The following RABEP1 variants were observed in gnomAD, a reference collection of about 807,000 sequenced individuals.
RABEP1 encodes the protein rab GTPase-binding effector protein 1.
RABEP1 carries 51 observed loss-of-function variants against 123.4 expected under a neutral mutation model. The observed-to-expected ratio is 0.41, with a 90% CI of 0.33 to 0.52. The LOEUF is 0.52. Among genes scored for constraint, RABEP1 ranks in the 20% least tolerant of loss-of-function variants. RABEP1 has a pLI of 0.16. For missense variants in RABEP1, 888 were observed against 996.3 expected (o/e 0.89, Z 1.46); for synonymous variants, 347 against 355.2 (o/e 0.98, Z 0.26).
At chr17:5,292,774 C>T (rs72836367) in intron 1 of RABEP1, among the ~76,000 whole-genome samples, 20,207 of 152,066 alleles carry the variant, frequency 0.13, 1,421 homozygotes, top group East Asian at 0.17. Flanking sequence ...CTCTGCTTTC[C>T]GGGCTCAGGT....
chr17:5,340,351 G>T (rs1039290558), intron 5 of RABEP1, among the ~76,000 whole-genome samples: 2 of 152,116 alleles, frequency 1.3e-5, no homozygotes, highest in South Asian at 4.1e-4. Flanking sequence ...TCACCATATG[G>T]CTATTATGAG....
In RABEP1 at chr17:5,386,045, G is replaced by A. The variant is rs1597309912; in HGVS notation, c.*2822G>A. 1 of 567,386 alleles carries A rather than the reference G, an allele frequency of 1.8e-6. No homozygotes were observed. Among genetic ancestry groups the A allele is most frequent in the East Asian group, 3.1e-5 (1 of 31,866 alleles). The allele number at this position is 567,386 out of a possible 1,614,324, so 35.1% of individuals were successfully genotyped here. A position where few individuals can be genotyped will look rare whatever the true frequency, so the allele number is the denominator to read the frequency against. ...AGCACATTCCAAATTTTAAATAAAA[G>A]CATTTACTCAATTATTATAAAACAA... On this transcript the variant is annotated 3_prime_UTR_variant, in exon 18 of 18. Coordinates refer to ENST00000537505, the MANE Select transcript of RABEP1 (RefSeq NM_004703.6).
At chr17:5,339,730 G>A (rs758906664) in intron 5 of RABEP1, among the ~76,000 whole-genome samples, 13 of 152,020 alleles carry the variant, frequency 8.6e-5, no homozygotes, top group Non-Finnish European at 1.8e-4. Context: ...AACCCAGGAG[G>A]TGGAGATTGT....
At chr17:5,333,868 A>G (rs1009112530) in intron 3 of RABEP1, among the ~76,000 whole-genome samples, 2 of 152,234 alleles carry the variant, frequency 1.3e-5, no homozygotes, top group Admixed American at 6.5e-5. Flanking sequence ...ATTTTCTAGA[A>G]GTACCCAGCA....
At chr17:5,288,814 G>T (rs538815065) in intron 1 of RABEP1, among the ~76,000 whole-genome samples, 1 of 151,718 alleles carries the variant, frequency 6.6e-6, no homozygotes, top group East Asian at 1.9e-4. Context: ...GGCGATTCTC[G>T]TGCCTCAGCC....
chr17:5,297,909 T>G (rs768658885), intron 1 of RABEP1, among the ~76,000 whole-genome samples: 8 of 152,214 alleles, frequency 5.3e-5, no homozygotes. Flanking sequence ...ATTACACATT[T>G]CATTTTCTGT....
chr17:5,382,073 G>A (rs1446892051), intron 17 of RABEP1, among the ~76,000 whole-genome samples: 1 of 140,106 alleles, frequency 7.1e-6, no homozygotes, highest in Non-Finnish European at 1.5e-5. Flanking sequence ...TTTTCCCAAT[G>A]GAACTTCGGA....
intron 5 of RABEP1, among the ~76,000 whole-genome samples, chr17:5,340,964 TACAA>T (rs1435149205): frequency 8.4e-6 from 1 of 119,734 alleles, no homozygotes; most frequent in Admixed American, 8.1e-5. Context: ...AAAAAAAAAG[TACAA>T]ACAAAATAAA....
intron 2 of RABEP1, among the ~76,000 whole-genome samples, chr17:5,323,769 T>G (rs2144574404): frequency 7.8e-6 from 1 of 127,746 alleles, no homozygotes; most frequent in East Asian, 2.8e-4. Context: ...AATATATATA[T>G]ATATCTAGGA....
intron 2 of RABEP1, among the ~76,000 whole-genome samples, chr17:5,316,705 C>T (rs1365667317): frequency 3.3e-5 from 5 of 150,154 alleles, no homozygotes; most frequent in Admixed American, 6.6e-5. Flanking sequence ...TGGTGGCAGG[C>T]GCTTGTAATC....
chr17:5,350,109 G>C (rs1241658149), intron 6 of RABEP1, among the ~76,000 whole-genome samples: 1 of 152,082 alleles, frequency 6.6e-6, no homozygotes, highest in African/African-American at 2.4e-5. Flanking sequence ...GGCCGGGCGC[G>C]GTGGCTCACG....
At chr17:5,339,920 A>G (rs1249165165) in intron 5 of RABEP1, among the ~76,000 whole-genome samples, 1 of 152,214 alleles carries the variant, frequency 6.6e-6, no homozygotes, top group Non-Finnish European at 1.5e-5. Context: ...AAGGGGGAAA[A>G]GCCACTAATA....
At chr17:5,382,087 T>C (rs1380375172) in intron 17 of RABEP1, among the ~76,000 whole-genome samples, 1 of 151,710 alleles carries the variant, frequency 6.6e-6, no homozygotes, top group South Asian at 2.1e-4. Flanking sequence ...CTTCGGATTT[T>C]TTTTTTTTTT....
intron 11 of RABEP1, among the ~76,000 whole-genome samples, chr17:5,367,758 T>G (rs903716172): frequency 6.7e-6 from 1 of 148,890 alleles, no homozygotes; most frequent in African/African-American, 2.4e-5. Context: ...TTTTCTCTCT[T>G]TTTTTTTTAA....
At chr17:5,354,180 T>A (rs1290741670) in intron 7 of RABEP1, among the ~76,000 whole-genome samples, 179 bp from the exon 8 acceptor site, 1 of 152,216 alleles carries the variant, frequency 6.6e-6, no homozygotes, top group Non-Finnish European at 1.5e-5. Flanking sequence ...GCTTATAATA[T>A]TAAAATATTT....
rs181861767 is a variant in RABEP1 at position 5,332,661 on chromosome 17, G to A, written c.367+509G>A. Among the ~76,000 whole-genome samples, 17 of 148,034 alleles carry A rather than the reference G, an allele frequency of 1.1e-4. No homozygotes were observed. The South Asian group carries it at 2.3e-3, about 20-fold the overall frequency. On this transcript the variant is annotated intron_variant, in intron 3 of 17. Transcript: ENST00000537505. ...GTTGTCCAGCTTGGAGTGCAGTGGC[G>A]CAGTCTCAGCTCACTGTACTCGCTG...
At chr17:5,373,210 C>T (rs766746549) in intron 12 of RABEP1, 104 bp from the exon 13 acceptor site, 16 of 1,053,374 alleles carry the variant, frequency 1.5e-5, no homozygotes, top group Non-Finnish European at 2.0e-5. Context: ...CATACCCCGT[C>T]CATCCTCAGC....
chr17:5,308,545 A>G (rs927478656), intron 1 of RABEP1, 149 bp from the exon 2 acceptor site: 12 of 742,522 alleles, frequency 1.6e-5, no homozygotes, highest in Non-Finnish European at 2.5e-5. Flanking sequence ...TTTTTTAAAC[A>G]TTAGAATATC....
At chr17:5,339,973 G>T (rs1907443505) in intron 5 of RABEP1, among the ~76,000 whole-genome samples, 1 of 152,106 alleles carries the variant, frequency 6.6e-6, no homozygotes, top group Non-Finnish European at 1.5e-5. Flanking sequence ...TCATCAATAA[G>T]ATATAATAGT....
Sources: allele counts gnomAD v4.1 joint callset (sites outside exome capture counted in the v4.1 genomes callset), GRCh38; gene constraint gnomAD v4.1.1; transcripts MANE v1.5; gene names NCBI Gene and HGNC (gene_info 2026-07-23, HGNC 2026-07-21).